AFG3L2: variants seen among roughly 807,000 people sequenced by gnomAD.
The protein encoded by AFG3L2 is mitochondrial inner membrane m-AAA protease component AFG3L2.
Under a neutral mutation model 94.5 loss-of-function variants are expected in AFG3L2, and 54 were observed. That is an observed-to-expected ratio of 0.57 (90% CI 0.46 to 0.72). AFG3L2 has a LOEUF of 0.72. AFG3L2 is among the 30% of genes least tolerant of loss of function. AFG3L2 has a pLI of 0.00. For missense variants in AFG3L2, 754 were observed against 994.9 expected, an observed-to-expected ratio of 0.76 and a Z score of 3.26; for synonymous variants, 377 against 365.5, an observed-to-expected ratio of 1.03 and a Z score of -0.36.
At chr18:12,367,175 C>A in intron 4 of AFG3L2, 58 bp from the exon 5 acceptor site, 1 of 1,612,952 alleles carries the variant, frequency 6.2e-7, no homozygotes, top group East Asian at 2.2e-5. Context: ...ACGATCTATG[C>A]TCTGTGAGAC....
At chr18:12,365,307 C>T (rs973301542) in intron 5 of AFG3L2, among the ~76,000 whole-genome samples, 1 of 152,138 alleles carries the variant, frequency 6.6e-6, no homozygotes, top group East Asian at 1.9e-4. Flanking sequence ...CGAGGACCTG[C>T]CATCCCAATC....
intron 13 of AFG3L2, among the ~76,000 whole-genome samples, chr18:12,344,684 AAAATT>A (rs1429355090): frequency 1.3e-5 from 2 of 151,412 alleles, no homozygotes; most frequent in African/African-American, 4.9e-5. Context: ...AAAAAAAAAA[AAAATT>A]AAATTAAGTT....
Position 12,340,361 on chromosome 18 carries a change from T to C in AFG3L2, c.1820A>G (p.Gln607Arg), listed in dbSNP as rs774546735. 15 of 1,614,064 alleles carry C rather than the reference T, an allele frequency of 9.3e-6. No homozygotes were observed. The highest frequency in any genetic ancestry group is 5.0e-5 in the Admixed American group (3 of 60,006). ...GAGGTATTGTTCTTTTGGTAAATAC[T>C]GAGCATAACCTAGTCCTTTGCCACG... The part of the protein sequence containing the change: ...IPRGKGLGYA[Q>R]YLPKEQYLYT... The change falls in exon 15 of 17, where the codon CAG becomes CGG. Residue 607 changes from glutamine (Q) to arginine (R), a missense_variant. Physicochemically the swap from Gln to Arg is conservative, Grantham distance 43 (BLOSUM62 1). Coordinates refer to ENST00000269143, the MANE Select transcript of AFG3L2 (RefSeq NM_006796.3).
In AFG3L2 at chr18:12,369,597, T is replaced by TA. The variant is rs1173140697; in HGVS notation, c.292+1251dup. 1.9e-4 allele frequency among the ~76,000 whole-genome samples: 29 copies of TA among 151,346 alleles called. 1 individual carries two copies. The highest frequency in any genetic ancestry group is 1.8e-3 in the Admixed American group (28 of 15,156). ...TTAGCTAGGCATGGTGGCGCATGCC[T>TA]ATAATCCCAGCTACTGTGGAGGCTG... On this transcript the variant is annotated intron_variant, in intron 3 of 16. Transcript: ENST00000269143.
chr18:12,376,344 C>A (rs1909155561), intron 1 of AFG3L2, among the ~76,000 whole-genome samples: 2 of 152,226 alleles, frequency 1.3e-5, no homozygotes, highest in Non-Finnish European at 2.9e-5. Context: ...AACACTCTAT[C>A]ATTATGTCAG....
intron 10 of AFG3L2, among the ~76,000 whole-genome samples, chr18:12,351,921 T>G (rs1908331303): frequency 1.3e-5 from 2 of 152,194 alleles, no homozygotes; most frequent in African/African-American, 4.8e-5. Flanking sequence ...TAATCATATA[T>G]TAGACTTAAA....
chr18:12,329,464 TA>T lies in AFG3L2; in HGVS notation c.*100del. 7.8e-7 allele frequency: 1 copy of T among 1,287,146 alleles called. No individual in the cohort carries two copies. Among genetic ancestry groups the T allele is most frequent in the Non-Finnish European group, 1.1e-6 (1 of 885,256 alleles). The allele number at this position is 1,287,146 out of a possible 1,614,324, so 79.7% of individuals were successfully genotyped here. ...CATTTCAGCTGGGCCAGTGGCTGGC[TA>T]AAATCAGCGCAGCATTCCCATTCTT... On this transcript the variant is annotated 3_prime_UTR_variant, in exon 17 of 17. Transcript: ENST00000269143.
chr18:12,329,434 C>T lies in AFG3L2; in HGVS notation c.*131G>A, dbSNP rs1293357280. The T allele has an allele frequency of 3.0e-6, 3 of 987,650 alleles. No individual in the cohort carries two copies. Among genetic ancestry groups the T allele is most frequent in the Non-Finnish European group, 4.8e-6 (3 of 621,824 alleles). 61.2% of individuals were successfully genotyped at this position (987,650 alleles called of 1,614,324 possible). On this transcript the variant is annotated 3_prime_UTR_variant, in exon 17 of 17. Coordinates refer to ENST00000269143, the MANE Select transcript of AFG3L2 (RefSeq NM_006796.3). ...GCTGAAAGGACTAAGGACTCCTTTCCCCATCATTTCAGCTGGGCCAGTGGC... is the reference window on the plus strand; with the variant it reads ...GCTGAAAGGACTAAGGACTCCTTTCTCCATCATTTCAGCTGGGCCAGTGGC...
chr18:12,336,828 G>A (rs957475669), intron 16 of AFG3L2, among the ~76,000 whole-genome samples: 2 of 152,090 alleles, frequency 1.3e-5, no homozygotes, highest in Non-Finnish European at 2.9e-5. Context: ...CCTTTTGTAG[G>A]TGCTATCAAA....
chr18:12,344,336 C>T, intron 13 of AFG3L2, 89 bp from the exon 14 acceptor site: 1 of 1,115,936 alleles, frequency 9.0e-7, no homozygotes, highest in Non-Finnish European at 1.3e-6. Context: ...CATTGCCTTA[C>T]CTAAAATGGG....
intron 3 of AFG3L2, among the ~76,000 whole-genome samples, chr18:12,367,907 G>A (rs546144498): frequency 6.6e-6 from 1 of 152,260 alleles, no homozygotes; most frequent in East Asian, 1.9e-4. Flanking sequence ...GGTGGTTCAC[G>A]CCTGTAATCC....
chr18:12,330,437 G>A (rs987293760), intron 16 of AFG3L2, among the ~76,000 whole-genome samples: 4 of 152,148 alleles, frequency 2.6e-5, no homozygotes, highest in Non-Finnish European at 2.9e-5. Context: ...AGCATCTTAC[G>A]TTTGCTTTTC....
At chr18:12,332,027 G>A (rs989592417) in intron 16 of AFG3L2, among the ~76,000 whole-genome samples, 6 of 151,834 alleles carry the variant, frequency 4.0e-5, no homozygotes, top group South Asian at 4.1e-4. Context: ...GAAGTGTGAC[G>A]GTATCATGAG....
intron 8 of AFG3L2, among the ~76,000 whole-genome samples, chr18:12,358,192 A>G (rs997370481): frequency 6.6e-6 from 1 of 152,238 alleles, no homozygotes; most frequent in Middle Eastern, 3.2e-3. Flanking sequence ...GCCCACCACT[A>G]GCACAGTGGG....
intron 9 of AFG3L2, among the ~76,000 whole-genome samples, chr18:12,355,827 C>A (rs1462936424): frequency 6.6e-6 from 1 of 152,188 alleles, no homozygotes; most frequent in South Asian, 2.1e-4. Context: ...CGCCACCACG[C>A]ATGGCTAATT....
Position 12,359,993 on chromosome 18 carries a change from A to G in AFG3L2, c.686T>C (p.Leu229Ser), listed in dbSNP as rs1312004496. 3.1e-6 allele frequency: 5 copies of G among 1,614,036 alleles called. No homozygotes were observed. The highest frequency in any genetic ancestry group is 3.4e-6 in the Non-Finnish European group (4 of 1,180,010). ...TCCTTCTATGCCCAATTCCTGCTGT[A>G]AAGTTTCCAGATTCCGTTCAAAGGT... ...VDTFERNLET[L>S]QQELGIEGEN... The change falls in exon 7 of 17, where the codon TTA (leucine) becomes TCA (serine). Residue 229 changes from leucine to serine, a missense_variant. Physicochemically the swap from Leu to Ser is moderately radical, Grantham distance 145 (BLOSUM62 -2). Transcript: ENST00000269143.
intron 3 of AFG3L2, 69 bp from the exon 4 acceptor site, chr18:12,367,451 T>C (rs1255358841): frequency 1.4e-6 from 2 of 1,410,206 alleles, no homozygotes; most frequent in South Asian, 1.1e-5. Flanking sequence ...TGTCTTCATG[T>C]ATACGGTTTA....
At chr18:12,337,608 G>C (rs1454552858) in intron 15 of AFG3L2, 73 bp from the exon 16 acceptor site, 1 of 1,478,114 alleles carries the variant, frequency 6.8e-7, no homozygotes, top group Non-Finnish European at 9.4e-7. Flanking sequence ...CAGCAGCCTG[G>C]AGCCGGCTAA....
rs1248184418 is a variant in AFG3L2, at chr18:12,329,233, G to C, written c.*332C>G. On this transcript the variant is annotated 3_prime_UTR_variant, in exon 17 of 17. Coordinates refer to ENST00000269143, the MANE Select transcript of AFG3L2 (RefSeq NM_006796.3). ...TCCCTTCCCACACGCCAAGAGTCCA[G>C]TGCAACGATCCCTGCCACACGGTCA... The C allele has an allele frequency of 1.4e-6, 1 of 702,526 alleles. No homozygotes were observed. The highest frequency in any genetic ancestry group is 2.6e-6 in the Non-Finnish European group (1 of 385,006). The allele number at this position is 702,526 out of a possible 1,614,324, so 43.5% of individuals were successfully genotyped here.
Sources: gnomAD v4.1 joint callset for allele counts (sites outside exome capture counted in the v4.1 genomes callset) on GRCh38, gnomAD v4.1.1 for gene constraint, MANE v1.5 for transcripts, NCBI Gene and HGNC (gene_info 2026-07-23, HGNC 2026-07-21) for gene names.